RUFY2: variants seen among roughly 807,000 people sequenced by gnomAD.
The protein encoded by RUFY2 is RUN and FYVE domain containing 2, also known as RUN and FYVE domain-containing protein 2.
RUFY2 carries 49 observed loss-of-function variants against 94.4 expected under a neutral mutation model. The ratio of observed to expected loss-of-function variants is 0.52; its 90% CI spans 0.41 to 0.66. The LOEUF (loss-of-function observed/expected upper bound fraction) is 0.66. Among genes scored for constraint, RUFY2 ranks in the 30% least tolerant of loss-of-function variants. The probability of loss-of-function intolerance (pLI) is 0.00; values close to 1 mark genes in which losing one functional copy is unlikely to be tolerated. For synonymous variants in RUFY2, 255 were observed against 235.7 expected, an observed-to-expected ratio of 1.08 and a Z score of -0.75; for missense variants, 541 against 692.8, an observed-to-expected ratio of 0.78 and a Z score of 2.46.
chr10:68,389,965 G>A (rs2049856454), intron 7 of RUFY2, among the ~76,000 whole-genome samples: 1 of 152,144 alleles, frequency 6.6e-6, no homozygotes, highest in Non-Finnish European at 1.5e-5. Context: ...TGTGAAGAGG[G>A]AAACTAGATG....
Position 68,393,332 on chromosome 10 carries a change from TAAG to T in RUFY2, c.585-132_585-130del. 4 of 540,252 alleles carry T rather than the reference TAAG, an allele frequency of 7.4e-6. No individual in the cohort carries two copies. The East Asian group carries it at 9.3e-5, about 13-fold the overall frequency. 33.5% of individuals were successfully genotyped at this position (540,252 alleles called of 1,614,324 possible). A position where few individuals can be genotyped will look rare whatever the true frequency, so the allele number is the denominator to read the frequency against. ...ATTGTCTTGCCTTTAAAATAAAACA[TAAG>T]AATAATAGTAAACTGTGTACTAAGT... On this transcript the variant is annotated intron_variant, in intron 6 of 17. Transcript: ENST00000602465.
chr10:68,397,003 A>T (rs949795878), intron 3 of RUFY2, 122 bp from the exon 4 acceptor site: 12 of 635,140 alleles, frequency 1.9e-5, no homozygotes, highest in Non-Finnish European at 3.3e-5. Context: ...TTTCATTTTT[A>T]TAGGTTTATC....
downstream of RUFY2, chr10:68,341,137 T>G: frequency 7.0e-7 from 1 of 1,420,050 alleles, no homozygotes; most frequent in Non-Finnish European, 9.6e-7. Context: ...TTTAATATTC[T>G]CAATAGAAAA....
chr10:68,375,271 C>T (rs780912523), intron 13 of RUFY2, among the ~76,000 whole-genome samples: 17 of 125,890 alleles, frequency 1.4e-4, no homozygotes, highest in Admixed American at 4.4e-4. Context: ...TAAGAACTTA[C>T]GAACACAGAG....
At chr10:68,393,073 T>C in intron 7 of RUFY2, 65 bp downstream of exon 7, 1 of 827,382 alleles carries the variant, frequency 1.2e-6, no homozygotes, top group Non-Finnish European at 1.9e-6. Context: ...TACGGTAAGC[T>C]GAAGGGAAAA....
At chr10:68,375,517 G>A (rs1430799073) in intron 13 of RUFY2, among the ~76,000 whole-genome samples, 2 of 152,124 alleles carry the variant, frequency 1.3e-5, no homozygotes, top group Non-Finnish European at 2.9e-5. Flanking sequence ...GCTCACACCT[G>A]TAATCCCAGC....
At chr10:68,363,018 T>C (rs2047560529) in intron 15 of RUFY2, among the ~76,000 whole-genome samples, 2 of 152,190 alleles carry the variant, frequency 1.3e-5, no homozygotes, top group South Asian at 4.1e-4. Context: ...GAAAAATATA[T>C]TAATAACTTC....
intron 16 of RUFY2, among the ~76,000 whole-genome samples, chr10:68,347,686 G>T (rs1439060496): frequency 1.3e-5 from 2 of 152,236 alleles, no homozygotes; most frequent in African/African-American, 4.8e-5. Context: ...GTTTCACAAT[G>T]AGAAGACCCA....
chr10:68,379,571 TTG>T (rs373005572), intron 11 of RUFY2, 50 bp from the exon 12 acceptor site: 12,087 of 1,164,882 alleles, frequency 0.01, no homozygotes, highest in South Asian at 0.014. Context: ...GTGTGTGTGT[TTG>T]TGTGTGTGTG....
At chr10:68,398,810 C>T (rs2050596438) in intron 3 of RUFY2, among the ~76,000 whole-genome samples, 1 of 151,900 alleles carries the variant, frequency 6.6e-6, no homozygotes, top group South Asian at 2.1e-4. Flanking sequence ...ATAATTAACG[C>T]ATTTCTTATA....
chr10:68,386,151 C>T (rs771628753), intron 7 of RUFY2, 23 bp from the exon 8 acceptor site: 2 of 1,593,308 alleles, frequency 1.3e-6, no homozygotes, highest in Admixed American at 1.8e-5. Flanking sequence ...AACAAAAAAA[C>T]TCATTCAAAA....
intron 7 of RUFY2, among the ~76,000 whole-genome samples, chr10:68,387,928 G>A (rs543232270): frequency 1.3e-5 from 2 of 152,084 alleles, no homozygotes; most frequent in Non-Finnish European, 2.9e-5. Context: ...GATTGAACCC[G>A]GGAGGCGGAC....
chr10:68,382,627 T>A (rs1589913765), intron 10 of RUFY2, among the ~76,000 whole-genome samples: 1 of 146,552 alleles, frequency 6.8e-6, no homozygotes. Context: ...GGCAGGAGAA[T>A]GGCGTGAACC....
chr10:68,407,086 G>A, intron 1 of RUFY2, 100 bp downstream of exon 1: 12 of 1,499,282 alleles, frequency 8.0e-6, no homozygotes, highest in Non-Finnish European at 9.7e-6. Context: ...TCCGACTGGC[G>A]GCCTCGGCGT....
In RUFY2 at chr10:68,376,440, G is replaced by GTA. The variant is rs1203390579; in HGVS notation, c.1325+412_1325+413insTA. 9.1e-3 allele frequency among the ~76,000 whole-genome samples: 438 copies of GTA among 48,162 alleles called. 36 individuals are homozygous for GTA. Among genetic ancestry groups the GTA allele is most frequent in the Admixed American group, 0.021 (59 of 2,804 alleles). 31.6% of individuals were successfully genotyped at this position (48,162 alleles called of 152,430 possible). Reference sequence around the variant, plus strand: ...GTGAAACTTCATCTCAAAAAAATGTGTGTATATATATATATATATATATAT... The same window carrying GTA: ...GTGAAACTTCATCTCAAAAAAATGTGTATGTATATATATATATATATATATAT... On this transcript the variant is annotated intron_variant, in intron 13 of 17. Coordinates refer to ENST00000602465, the MANE Select transcript of RUFY2 (RefSeq NM_001330103.2).
intron 13 of RUFY2, among the ~76,000 whole-genome samples, chr10:68,366,811 A>AAT (rs10677701): frequency 0.83 from 114,331 of 136,948 alleles, 47,751 homozygotes; most frequent in Non-Finnish European, 0.86. Flanking sequence ...TATATAATAT[A>AAT]ATGTTATATG....
At chr10:68,375,970 C>T (rs913613288) in intron 13 of RUFY2, among the ~76,000 whole-genome samples, 1 of 144,738 alleles carries the variant, frequency 6.9e-6, no homozygotes, top group African/African-American at 2.6e-5. Flanking sequence ...TGTGGTGGCA[C>T]AAGCCTGTAG....
chr10:68,346,098 A>G lies in RUFY2; in HGVS notation c.1600-14T>C, dbSNP rs764098319. 4 of 1,591,652 alleles carry G rather than the reference A, an allele frequency of 2.5e-6. No individual in the cohort carries two copies. Among genetic ancestry groups the G allele is most frequent in the Non-Finnish European group, 3.4e-6 (4 of 1,166,610 alleles). ...CCAAACCAGTCCCTAGTAGGAAGAAAATATTAATGCTCAAATTGGTAACAC... is the reference window on the plus strand; with the variant it reads ...CCAAACCAGTCCCTAGTAGGAAGAAGATATTAATGCTCAAATTGGTAACAC... On this transcript the variant is annotated splice_polypyrimidine_tract_variant and intron_variant, in intron 16 of 17. Transcript: ENST00000602465.
rs1022880802 is a variant in RUFY2 at position 68,375,576 on chromosome 10, C to T, written c.1325+1277G>A. On this transcript the variant is annotated intron_variant, in intron 13 of 17. Transcript: ENST00000602465. The stretch of plus-strand genomic sequence containing the variant: ...GATCACGAGGTCAGGAGATCAAGAC[C>T]ATCCTGGCTAACACAGTGAAACCCC... Among the ~76,000 whole-genome samples the T allele has an allele frequency of 4.6e-5, 7 of 151,730 alleles. No homozygotes were observed. The South Asian group carries it at 1.5e-3, about 32-fold the overall frequency.
Sources: gnomAD v4.1 joint callset for allele counts (sites outside exome capture counted in the v4.1 genomes callset) on GRCh38, gnomAD v4.1.1 for gene constraint, MANE v1.5 for transcripts, NCBI Gene and HGNC (gene_info 2026-07-23, HGNC 2026-07-21) for gene names.